IL1RAPL1: variants seen among roughly 807,000 people sequenced by gnomAD.
The protein encoded by IL1RAPL1 is interleukin 1 receptor accessory protein like 1.
In IL1RAPL1, 3 loss-of-function variants were observed where a neutral mutation model predicts 48.4. That is an observed-to-expected ratio of 0.06 (90% CI 0.03 to 0.16). The LOEUF is 0.16. Among genes scored for constraint, IL1RAPL1 ranks in the 10% least tolerant of loss-of-function variants. The probability of loss-of-function intolerance (pLI) is 1.00; values close to 1 mark genes in which losing one functional copy is unlikely to be tolerated. For missense variants in IL1RAPL1, 349 were observed against 530.6 expected (o/e 0.66, Z 3.36); for synonymous variants, 185 against 187.7 (o/e 0.99, Z 0.12).
chrX:29,436,883 CAT>C (rs1491228820), intron 5 of IL1RAPL1, among the ~76,000 whole-genome samples: 1 of 110,306 alleles, frequency 9.1e-6, no homozygotes, highest in Non-Finnish European at 1.9e-5. Context: ...TTATAAAGTA[CAT>C]GTGTGTGTGT....
intron 5 of IL1RAPL1, among the ~76,000 whole-genome samples, chrX:29,639,111 A>G (rs990917559): frequency 9.4e-5 from 10 of 106,753 alleles, no homozygotes; most frequent in Non-Finnish European, 1.7e-4. Context: ...GCGTGAACCC[A>G]GGAGGCGGAG....
chrX:29,155,212 A>G (rs1929545764), intron 2 of IL1RAPL1, among the ~76,000 whole-genome samples: 1 of 110,261 alleles, frequency 9.1e-6, no homozygotes, highest in Admixed American at 9.7e-5. Flanking sequence ...GGGTTTCATC[A>G]TATTGGTCAG....
At chrX:29,846,752 C>CTA (rs3084827) in intron 6 of IL1RAPL1, among the ~76,000 whole-genome samples, 1,780 of 93,572 alleles carry the variant, frequency 0.019, 18 homozygotes, top group African/African-American at 0.037. Flanking sequence ...TAACCACAGT[C>CTA]TATATATATA....
At chrX:28,672,836 G>A (rs1218813700) in intron 1 of IL1RAPL1, among the ~76,000 whole-genome samples, 1 of 111,174 alleles carries the variant, frequency 9.0e-6, no homozygotes, top group East Asian at 2.8e-4. Context: ...GGGTACAAGT[G>A]CAGGTTTGTT....
chrX:28,880,421 A>G (rs1922474495), intron 2 of IL1RAPL1, among the ~76,000 whole-genome samples: 1 of 112,562 alleles, frequency 8.9e-6, no homozygotes, highest in Admixed American at 9.4e-5. Flanking sequence ...AGGGGCAGAC[A>G]TGCCACTTTT....
At chrX:29,003,852 T>C (rs1925913871) in intron 2 of IL1RAPL1, among the ~76,000 whole-genome samples, 1 of 112,314 alleles carries the variant, frequency 8.9e-6, no homozygotes, top group Non-Finnish European at 1.9e-5. Context: ...TAAGAAATAG[T>C]TGATTTAGGC....
At chrX:28,638,648 G>A (rs1934495441) in intron 1 of IL1RAPL1, among the ~76,000 whole-genome samples, 1 of 108,980 alleles carries the variant, frequency 9.2e-6, no homozygotes, top group African/African-American at 3.3e-5. Flanking sequence ...GATGGGAAAT[G>A]ACATTCTTGT....
chrX:29,804,098 C>T (rs1027398882), intron 6 of IL1RAPL1, among the ~76,000 whole-genome samples: 4 of 111,646 alleles, frequency 3.6e-5, no homozygotes, highest in African/African-American at 6.5e-5. Context: ...TGACACTGTT[C>T]TTTCAATCAG....
chrX:29,695,041 G>GA (rs1926874468), intron 6 of IL1RAPL1, among the ~76,000 whole-genome samples: 1 of 111,671 alleles, frequency 9.0e-6, no homozygotes, highest in Admixed American at 9.5e-5. Flanking sequence ...CATGAGCAGG[G>GA]AAAAATCTTA....
intron 2 of IL1RAPL1, among the ~76,000 whole-genome samples, chrX:28,822,707 A>G (rs749155397): frequency 9.0e-6 from 1 of 111,662 alleles, no homozygotes; most frequent in Non-Finnish European, 1.9e-5. Context: ...ATGATAAAGT[A>G]TCTGGGAACT....
intron 6 of IL1RAPL1, among the ~76,000 whole-genome samples, chrX:29,847,696 C>T (rs1931276078): frequency 9.0e-6 from 1 of 111,110 alleles, no homozygotes; most frequent in Admixed American, 9.6e-5. Context: ...AGTTAAATAC[C>T]TTTAAGAAAA....
intron 6 of IL1RAPL1, among the ~76,000 whole-genome samples, chrX:29,862,173 A>T (rs1269769235): frequency 4.5e-5 from 5 of 111,547 alleles, no homozygotes; most frequent in African/African-American, 6.5e-5. Flanking sequence ...AAAAAAAAAA[A>T]AATAAGAATA....
chrX:29,927,827 A>T (rs1184853217), intron 8 of IL1RAPL1, among the ~76,000 whole-genome samples: 1 of 102,439 alleles, frequency 9.8e-6, no homozygotes, highest in Non-Finnish European at 2.0e-5. Flanking sequence ...GTAAGAAAGG[A>T]TGGAAATGGT....
At chrX:29,506,632 G>A (rs751129947) in intron 5 of IL1RAPL1, among the ~76,000 whole-genome samples, 1 of 110,934 alleles carries the variant, frequency 9.0e-6, no homozygotes, top group Non-Finnish European at 1.9e-5. Flanking sequence ...ACTATGGGAA[G>A]GCTATCTTGG....
chrX:28,596,100 A>G (rs1000139767), intron 1 of IL1RAPL1, among the ~76,000 whole-genome samples: 2 of 111,561 alleles, frequency 1.8e-5, no homozygotes, highest in Admixed American at 9.5e-5. Flanking sequence ...CATTGTGCAC[A>G]GCATATAGTA....
intron 5 of IL1RAPL1, among the ~76,000 whole-genome samples, chrX:29,656,946 A>G (rs751170848): frequency 1.9e-4 from 21 of 110,775 alleles, no homozygotes; most frequent in Non-Finnish European, 3.6e-4. Context: ...ATGGATTTTC[A>G]TCAGTCCTTC....
intron 3 of IL1RAPL1, among the ~76,000 whole-genome samples, chrX:29,336,780 C>T (rs188110606): frequency 2.7e-5 from 3 of 111,658 alleles, no homozygotes; most frequent in African/African-American, 3.3e-5. Context: ...TCAGATTCTT[C>T]TGGCCTCTTT....
At position 29,955,736 on chromosome X, in the gene IL1RAPL1, G is replaced by A. The variant is rs868301006; in HGVS notation, c.2007G>A (p.Glu669=). ...GGCCACAGACAAAATCGAGCAGGGAGCAGAATCCAGATGAGGCCCACACAA... is the reference window on the plus strand; with the variant it reads ...GGCCACAGACAAAATCGAGCAGGGAACAGAATCCAGATGAGGCCCACACAA... ...GQRPQTKSSR[E]QNPDEAHTNS... is the part of the protein sequence containing the mutation. The change falls in exon 11 of 11, where the codon GAG becomes GAA. Residue 669 remains glutamate (E), a synonymous_variant. Transcript: ENST00000378993. The A allele has an allele frequency of 1.7e-6, 2 of 1,211,587 alleles. No homozygotes were observed. Among genetic ancestry groups the A allele is most frequent in the Admixed American group, 4.3e-5 (2 of 46,051 alleles).
intron 2 of IL1RAPL1, among the ~76,000 whole-genome samples, chrX:29,002,570 A>C (rs1925880774): frequency 3.6e-5 from 4 of 110,745 alleles, no homozygotes; most frequent in African/African-American, 1.3e-4. Flanking sequence ...CTAAAGGGGA[A>C]ATTTATTGAA....
Sources: allele counts gnomAD v4.1 joint callset (sites outside exome capture counted in the v4.1 genomes callset), GRCh38; gene constraint gnomAD v4.1.1; transcripts MANE v1.5; gene names NCBI Gene and HGNC (gene_info 2026-07-23, HGNC 2026-07-21).